The following IVNS1ABP variants were observed in gnomAD, a reference collection of about 807,000 sequenced individuals.
IVNS1ABP encodes the protein influenza virus NS1A binding protein, also known as influenza virus NS1A-binding protein.
Under a neutral mutation model 78.9 loss-of-function variants are expected in IVNS1ABP, and 25 were observed. That is an observed-to-expected ratio of 0.32 (90% CI 0.23 to 0.44). IVNS1ABP has a LOEUF of 0.44. IVNS1ABP is among the 20% of genes least tolerant of loss of function. The probability of loss-of-function intolerance (pLI) is 1.00; values close to 1 mark genes in which losing one functional copy is unlikely to be tolerated. For missense variants in IVNS1ABP, 494 were observed against 768.9 expected (o/e 0.64, Z 4.23); for synonymous variants, 241 against 259.7 (o/e 0.93, Z 0.69).
chr1:185,314,829 A>G (rs925034992), intron 1 of IVNS1ABP, among the ~76,000 whole-genome samples: 1 of 152,204 alleles, frequency 6.6e-6, no homozygotes, highest in Non-Finnish European at 1.5e-5. Flanking sequence ...AAAGCATAAC[A>G]CAAAGTCGTT....
chr1:185,299,737 G>A lies in IVNS1ABP; in HGVS notation c.1648C>T (p.Arg550Ter), dbSNP rs770201646. Reference protein sequence around the residue: ...TLIAPMNVARRGAGVAVLNGK... With the variant: ...TLIAPMNVAR Reference sequence around the variant, plus strand: ...TTAAGAACAGCCACTCCAGCTCCTCGCCTAGCCACATTCATGGGTGCAATT... The same window carrying A: ...TTAAGAACAGCCACTCCAGCTCCTCACCTAGCCACATTCATGGGTGCAATT... Residue 550 changes from arginine to a stop codon, truncating the protein, a stop_gained, in exon 14 of 15, where the codon CGA (arginine) becomes TGA (stop). Transcript: ENST00000367498. LOFTEE classifies it high-confidence loss of function. 11 of 1,613,408 alleles carry A rather than the reference G, an allele frequency of 6.8e-6. No homozygotes were observed. The Admixed American group carries it at 1.2e-4, about 17-fold the overall frequency.
intron 1 of IVNS1ABP, 37 bp from the exon 2 acceptor site, chr1:185,311,359 T>A (rs1665881574): frequency 2.5e-6 from 1 of 396,104 alleles, no homozygotes. Context: ...ATATTCAGAA[T>A]AATCAAAGAC....
chr1:185,306,929 A>G, intron 7 of IVNS1ABP, 85 bp downstream of exon 7: 1 of 1,466,102 alleles, frequency 6.8e-7, no homozygotes, highest in South Asian at 1.2e-5. Context: ...GGTCATGGTT[A>G]TAAAATAAAA....
At chr1:185,302,657 T>C (rs1388931009) in intron 8 of IVNS1ABP, among the ~76,000 whole-genome samples, 1 of 152,114 alleles carries the variant, frequency 6.6e-6, no homozygotes, top group African/African-American at 2.4e-5. Context: ...ACAACATACG[T>C]AGGCTATTTT....
chr1:185,304,368 T>C (rs1286382551), intron 8 of IVNS1ABP, among the ~76,000 whole-genome samples: 1 of 152,082 alleles, frequency 6.6e-6, no homozygotes, highest in African/African-American at 2.4e-5. Flanking sequence ...AGGGGGAAAA[T>C]ATCCTCAATA....
chr1:185,313,468 T>C (rs552529411), intron 1 of IVNS1ABP, among the ~76,000 whole-genome samples: 20 of 152,184 alleles, frequency 1.3e-4, no homozygotes, highest in Non-Finnish European at 2.5e-4. Flanking sequence ...ATACACTATA[T>C]ACCTACTTCC....
At chr1:185,304,107 G>A (rs1379994312) in intron 8 of IVNS1ABP, among the ~76,000 whole-genome samples, 68 of 151,986 alleles carry the variant, frequency 4.5e-4, no homozygotes, top group Non-Finnish European at 4.4e-5. Context: ...CTGCTCAAAA[G>A]TTACCTCTTG....
At chr1:185,306,900 C>G (rs925062892) in intron 7 of IVNS1ABP, 114 bp downstream of exon 7, 1 of 1,233,882 alleles carries the variant, frequency 8.1e-7, no homozygotes, top group Non-Finnish European at 1.1e-6. Context: ...GTACCTATAG[C>G]AAAATTTAAA....
In IVNS1ABP at chr1:185,300,390, G is replaced by A. The variant is rs370600226; in HGVS notation, c.1242+47C>T. The A allele has an allele frequency of 5.9e-5, 95 of 1,613,324 alleles. No individual in the cohort carries two copies. The African/African-American group carries it at 1.1e-3, about 18-fold the overall frequency. On this transcript the variant is annotated intron_variant, in intron 11 of 14. Coordinates refer to ENST00000367498, the MANE Select transcript of IVNS1ABP (RefSeq NM_006469.5). ...AGAATTTCTAACATCCTGAAGTTAC[G>A]AGGAAAAAGCTAAATAGGGGTTGCT...
Position 185,300,425 on chromosome 1 carries a change from T to C in IVNS1ABP, c.1242+12A>G. 6.2e-7 allele frequency: 1 copy of C among 1,613,616 alleles called. No homozygotes were observed. On this transcript the variant is annotated intron_variant, in intron 11 of 14. Coordinates refer to ENST00000367498, the MANE Select transcript of IVNS1ABP (RefSeq NM_006469.5). The stretch of plus-strand genomic sequence containing the variant: ...CTAAATAGGGGTTGCTCCTGCAACA[T>C]AATGCGCTTACCATGAGTACAGCCA...
intron 1 of IVNS1ABP, among the ~76,000 whole-genome samples, chr1:185,314,744 A>G (rs2102825254): frequency 6.6e-6 from 1 of 152,346 alleles, no homozygotes; most frequent in South Asian, 2.1e-4. Flanking sequence ...ATTTTATCTT[A>G]GATATGTGGC....
chr1:185,298,405 T>C lies in IVNS1ABP; in HGVS notation c.1676-117A>G. On this transcript the variant is annotated intron_variant, in intron 14 of 14. Transcript: ENST00000367498. The surrounding 1 kb of genome is among the most constrained non-coding windows in gnomAD (Gnocchi z 4.1). ...TTTTAAAAATAGAAATGCCTGTTCA[T>C]TTTGTCAAAAAGAATTTATTAAATG... is the stretch of plus-strand genomic sequence containing the variant. 1.1e-6 allele frequency: 1 copy of C among 886,904 alleles called. No individual in the cohort carries two copies. The highest frequency in any genetic ancestry group is 1.7e-6 in the Non-Finnish European group (1 of 589,252). The allele number at this position is 886,904 out of a possible 1,614,324, so 54.9% of individuals were successfully genotyped here. A position where few individuals can be genotyped will look rare whatever the true frequency, so the allele number is the denominator to read the frequency against.
chr1:185,300,554 G>A lies in IVNS1ABP; in HGVS notation c.1125C>T (p.Gly375=), dbSNP rs1216043672. ...EMNGKLIAAG[G]YNREECLRTV... ...TTCGAAGACATTCCTCTCTGTTATA[G>A]CCACCTGGTAAAAAATAAAACCATA... The change falls in exon 11 of 15, where the codon GGC becomes GGT. Residue 375 remains glycine, a synonymous_variant. Transcript: ENST00000367498. 5 of 1,612,424 alleles carry A rather than the reference G, an allele frequency of 3.1e-6. No homozygotes were observed. The highest frequency in any genetic ancestry group is 3.3e-5 in the Admixed American group (2 of 59,820).
At chr1:185,300,636 G>T in intron 10 of IVNS1ABP, 78 bp from the exon 11 acceptor site, 3 of 1,426,862 alleles carry the variant, frequency 2.1e-6, no homozygotes, top group Non-Finnish European at 2.9e-6. Context: ...GTAAGTTTAA[G>T]AAATCTGCAC....
At chr1:185,308,196 A>T (rs1665789610) in intron 5 of IVNS1ABP, among the ~76,000 whole-genome samples, 1 of 152,230 alleles carries the variant, frequency 6.6e-6, no homozygotes, top group South Asian at 2.1e-4. Context: ...ACTTTTTCTT[A>T]AAGGGCCAGA....
At chr1:185,314,840 T>C (rs1383170804) in intron 1 of IVNS1ABP, among the ~76,000 whole-genome samples, 1 of 152,230 alleles carries the variant, frequency 6.6e-6, no homozygotes, top group African/African-American at 2.4e-5. Flanking sequence ...CAAAGTCGTT[T>C]ATAGTTTGCT....
chr1:185,299,511 T>C, intron 14 of IVNS1ABP, 199 bp downstream of exon 14: 1 of 599,308 alleles, frequency 1.7e-6, no homozygotes, highest in Non-Finnish European at 3.0e-6. Context: ...TGAATTAAGT[T>C]ATATATCAAG....
Position 185,297,960 on chromosome 1 carries a change from C to T in IVNS1ABP, c.*75G>A. On this transcript the variant is annotated 3_prime_UTR_variant, in exon 15 of 15. Transcript: ENST00000367498. ...AGCAACATCTATACCCACCCACCCT[C>T]TTTATTCACAAGTGTACCTCTACTA... 2 of 1,452,228 alleles carry T rather than the reference C, an allele frequency of 1.4e-6. No individual in the cohort carries two copies. Among genetic ancestry groups the T allele is most frequent in the Non-Finnish European group, 1.9e-6 (2 of 1,059,576 alleles). The allele number at this position is 1,452,228 out of a possible 1,614,324, so 90.0% of individuals were successfully genotyped here.
Position 185,308,834 on chromosome 1 carries a change from G to A in IVNS1ABP, c.323C>T (p.Ala108Val), listed in dbSNP as rs1665810244. 2 of 1,609,228 alleles carry A rather than the reference G, an allele frequency of 1.2e-6. No individual in the cohort carries two copies. The highest frequency in any genetic ancestry group is 2.7e-5 in the African/African-American group (2 of 74,670). Residue 108 changes from alanine to valine, a missense_variant, in exon 5 of 15, where the codon GCA becomes GTA. Physicochemically the swap from Ala to Val is moderately conservative, Grantham distance 64. Coordinates refer to ENST00000367498, the MANE Select transcript of IVNS1ABP (RefSeq NM_006469.5). Reference sequence around the variant, plus strand: ...TCGATCCATCTTCAGCTTTTTTGCTGCAGAATAAACATCTTTTACCAATTC... The same window carrying A: ...TCGATCCATCTTCAGCTTTTTTGCTACAGAATAAACATCTTTTACCAATTC... ...DKELVKDVYS[A>V]AKKLKMDRVK...
Sources: gnomAD v4.1 joint callset for allele counts (sites outside exome capture counted in the v4.1 genomes callset) on GRCh38, gnomAD v4.1.1 for gene constraint, Gnocchi (gnomAD v3.1) non-coding constraint, MANE v1.5 for transcripts, NCBI Gene and HGNC (gene_info 2026-07-23, HGNC 2026-07-21) for gene names.